ANKRD44: variants seen among roughly 807,000 people sequenced by gnomAD.
The protein encoded by ANKRD44 is ankyrin repeat domain 44.
In ANKRD44, 35 loss-of-function variants were observed where a neutral mutation model predicts 116.0. The ratio of observed to expected loss-of-function variants is 0.30; its 90% CI spans 0.23 to 0.40. ANKRD44 has a LOEUF of 0.40. ANKRD44 is among the 10% of genes least tolerant of loss of function. The pLI, the probability that ANKRD44 is intolerant of heterozygous loss-of-function variation, is 1.00. For synonymous variants in ANKRD44, 435 were observed against 461.8 expected (o/e 0.94, Z 0.74); for missense variants, 1,014 against 1,242.6 (o/e 0.82, Z 2.77).
chr2:197,279,534 C>A (rs1478369373), intron 1 of ANKRD44, among the ~76,000 whole-genome samples: 1 of 152,188 alleles, frequency 6.6e-6, no homozygotes, highest in Non-Finnish European at 1.5e-5. Flanking sequence ...CATCCAATCT[C>A]CCACTGTTGC....
intron 1 of ANKRD44, among the ~76,000 whole-genome samples, chr2:197,196,581 A>C (rs1470114016): frequency 6.6e-6 from 1 of 152,218 alleles, no homozygotes; most frequent in Non-Finnish European, 1.5e-5. Context: ...ATCAGCATGT[A>C]GAAATGAAAG....
At chr2:197,285,722 G>C (rs374449162) in intron 1 of ANKRD44, among the ~76,000 whole-genome samples, 2 of 152,118 alleles carry the variant, frequency 1.3e-5, no homozygotes, top group East Asian at 3.8e-4. Context: ...ACCTTGGTTG[G>C]ACAGATTGCA....
chr2:197,081,706 CAT>C lies in ANKRD44; in HGVS notation c.1475_1476del (p.Asn492SerfsTer3). Reference protein sequence around the residue: ...DMDRNKTILGNAHDNSEELER... With the variant: ...DMDRNKTILGXAHDNSEELER... ...TCAAGTTCTTCTGAATTATCATGGGCATTTCCTAAGATAGTCTTACTTCTCAG... is the reference window on the plus strand; with the variant it reads ...TCAAGTTCTTCTGAATTATCATGGGCTTCCTAAGATAGTCTTACTTCTCAG... On this transcript the variant is annotated frameshift_variant, in exon 15 of 28. Coordinates refer to ENST00000282272, the MANE Select transcript of ANKRD44 (RefSeq NM_001195144.2). LOFTEE classifies it high-confidence loss of function. The C allele has an allele frequency of 1.2e-6, 2 of 1,613,662 alleles. No homozygotes were observed. Among genetic ancestry groups the C allele is most frequent in the Non-Finnish European group, 1.7e-6 (2 of 1,179,700 alleles).
chr2:197,136,280 T>C, intron 4 of ANKRD44: 1 of 335,570 alleles, frequency 3.0e-6, no homozygotes, highest in Non-Finnish European at 5.6e-6. Flanking sequence ...AGGCAGTTAG[T>C]TGCTTTCTCC....
At chr2:197,222,160 T>C (rs1171332368) in intron 1 of ANKRD44, among the ~76,000 whole-genome samples, 1 of 152,232 alleles carries the variant, frequency 6.6e-6, no homozygotes, top group African/African-American at 2.4e-5. Flanking sequence ...GAGACTGTGA[T>C]AACTGCCCTG....
At chr2:197,271,253 T>C (rs576341412) in intron 1 of ANKRD44, among the ~76,000 whole-genome samples, 2 of 152,338 alleles carry the variant, frequency 1.3e-5, no homozygotes, top group Non-Finnish European at 2.9e-5. Context: ...TAAAACCGAA[T>C]TCCCAATAAT....
rs2076357738 is a variant in ANKRD44 at position 197,014,714 on chromosome 2, G to A, written c.1723-1002C>T. Among the ~76,000 whole-genome samples the A allele has an allele frequency of 1.3e-5, 2 of 151,728 alleles. 1 individual carries two copies. Among genetic ancestry groups the A allele is most frequent in the South Asian group, 4.2e-4 (2 of 4,804 alleles). On this transcript the variant is annotated intron_variant, in intron 17 of 27. Transcript: ENST00000282272. The stretch of plus-strand genomic sequence containing the variant: ...GGCAGGAGAATTGCTTGAACCCAAG[G>A]CGGAGGTTGCAGTGAGCTATTATCA...
chr2:197,261,574 T>A (rs1422990065), intron 1 of ANKRD44, among the ~76,000 whole-genome samples: 3 of 152,090 alleles, frequency 2.0e-5, no homozygotes, highest in African/African-American at 7.2e-5. Flanking sequence ...AAAAAATGTT[T>A]CTTTTCTAAT....
At chr2:196,978,899 TAAAA>T (rs58172786) in intron 21 of ANKRD44, among the ~76,000 whole-genome samples, 1 of 142,028 alleles carries the variant, frequency 7.0e-6, no homozygotes, top group Admixed American at 7.1e-5. Context: ...GATATTGTTT[TAAAA>T]AAAAAAAAGG....
chr2:197,261,043 T>C (rs927082846), intron 1 of ANKRD44, among the ~76,000 whole-genome samples: 5 of 151,864 alleles, frequency 3.3e-5, no homozygotes, highest in Non-Finnish European at 5.9e-5. Context: ...TTCACTCTGA[T>C]GGTAGTTTCT....
At chr2:197,081,777 C>CTAAATTTTTAAATTAA (rs1445574005) in intron 14 of ANKRD44, 52 bp from the exon 15 acceptor site, 1 of 1,446,152 alleles carries the variant, frequency 6.9e-7, no homozygotes, top group Non-Finnish European at 9.7e-7. Context: ...TTTTAAATGG[C>CTAAATTTTTAAATTAA]AAAGCTGTTA....
Position 196,988,794 on chromosome 2 carries a change from T to A in ANKRD44, c.*797A>T. ...TTGAGCTGGTGATTTTTATTTCTCC[T>A]TTTGGCACATGTGCCCACACACTGC... On this transcript the variant is annotated 3_prime_UTR_variant, in exon 28 of 28. Transcript: ENST00000282272. The A allele has an allele frequency of 5.1e-6, 5 of 985,478 alleles. No individual in the cohort carries two copies. Among genetic ancestry groups the A allele is most frequent in the Non-Finnish European group, 6.0e-6 (5 of 829,944 alleles). 61.0% of individuals were successfully genotyped at this position (985,478 alleles called of 1,614,324 possible).
At chr2:197,076,580 T>C (rs1396497464) in intron 16 of ANKRD44, among the ~76,000 whole-genome samples, 1 of 152,194 alleles carries the variant, frequency 6.6e-6, no homozygotes, top group Non-Finnish European at 1.5e-5. Flanking sequence ...GGGGGTTTGC[T>C]GTACAGATCA....
intron 1 of ANKRD44, among the ~76,000 whole-genome samples, chr2:197,205,467 T>C (rs1279586454): frequency 6.6e-6 from 1 of 152,194 alleles, no homozygotes; most frequent in Non-Finnish European, 1.5e-5. Flanking sequence ...AGTGATGTCC[T>C]CCACCCCATT....
intron 2 of ANKRD44, among the ~76,000 whole-genome samples, chr2:197,181,744 T>C (rs976346768): frequency 1.3e-5 from 2 of 152,234 alleles, no homozygotes; most frequent in Admixed American, 6.5e-5. Context: ...ATTCGACTCA[T>C]TGCTTCTCTA....
intron 1 of ANKRD44, among the ~76,000 whole-genome samples, chr2:197,309,068 T>C (rs2084161573): frequency 6.6e-6 from 1 of 152,250 alleles, no homozygotes; most frequent in Admixed American, 6.5e-5. Context: ...TTCTTTCTTA[T>C]ATGTGATAAC....
At chr2:197,023,883 G>C (rs2076542743) in intron 17 of ANKRD44, among the ~76,000 whole-genome samples, 1 of 152,198 alleles carries the variant, frequency 6.6e-6, no homozygotes, top group South Asian at 2.1e-4. Context: ...ATTTTCCACA[G>C]TAAGTCCATC....
intron 1 of ANKRD44, among the ~76,000 whole-genome samples, chr2:197,195,079 G>A (rs547223622): frequency 1.3e-4 from 20 of 152,278 alleles, no homozygotes; most frequent in African/African-American, 4.6e-4. Context: ...GGGCTCAAGC[G>A]ATGCTCCCAC....
At chr2:197,200,903 A>G (rs2081079189) in intron 1 of ANKRD44, among the ~76,000 whole-genome samples, 1 of 152,190 alleles carries the variant, frequency 6.6e-6, no homozygotes, top group Non-Finnish European at 1.5e-5. Context: ...CTCCAAATCC[A>G]TTTAAATGAA....
Sources: allele counts gnomAD v4.1 joint callset (sites outside exome capture counted in the v4.1 genomes callset), GRCh38; gene constraint gnomAD v4.1.1; transcripts MANE v1.5; gene names NCBI Gene and HGNC (gene_info 2026-07-23, HGNC 2026-07-21).